TSHZ3: variants seen among roughly 807,000 people sequenced by gnomAD.
The protein encoded by TSHZ3 is teashirt homolog 3.
In TSHZ3, 10 loss-of-function variants were observed where a neutral mutation model predicts 64.5. That is an observed-to-expected ratio of 0.16 (90% CI 0.10 to 0.26). The LOEUF is 0.26. Ranked by LOEUF, TSHZ3 falls within the 10% of genes least tolerant of loss-of-function variation. The probability of loss-of-function intolerance (pLI) is 1.00; values close to 1 mark genes in which losing one functional copy is unlikely to be tolerated. For missense variants in TSHZ3, 1,242 were observed against 1,421.7 expected (o/e 0.87, Z 2.03); for synonymous variants, 608 against 593.1 (o/e 1.03, Z -0.36).
intron 5 of TSHZ3, among the ~76,000 whole-genome samples, chr19:31,185,632 C>T (rs1414626897): frequency 1.3e-5 from 2 of 152,166 alleles, no homozygotes; most frequent in Non-Finnish European, 2.9e-5. Flanking sequence ...CTCTTAATCC[C>T]TAATCTTGTC....
intron 1 of TSHZ3, among the ~76,000 whole-genome samples, chr19:31,341,317 C>A (rs184396636): frequency 1.3e-5 from 2 of 152,234 alleles, no homozygotes; most frequent in African/African-American, 2.4e-5. Context: ...ACAAGTATTG[C>A]GCACTTGGGG....
chr19:31,349,593 A>G (rs1418798963), upstream of TSHZ3: 5 of 113,356 alleles, frequency 4.4e-5, no homozygotes, highest in Admixed American at 9.3e-5. Flanking sequence ...GGCGGGGAGG[A>G]GCGGCGGCCC....
chr19:31,185,442 G>A (rs1974790973), intron 5 of TSHZ3, among the ~76,000 whole-genome samples: 1 of 152,204 alleles, frequency 6.6e-6, no homozygotes, highest in Non-Finnish European at 1.5e-5. Flanking sequence ...GATCAGAATA[G>A]GGGTGTGCTT....
rs1263564266 is a variant in TSHZ3 at position 31,278,493 on chromosome 19, T to C, written c.1300A>G (p.Ile434Val). ...ACCTTCTCATCCAGCAGGGTTGTGA[T>C]GGTAGGTGTGACAGGCGTCTCCACA... ...PIVETPVTPT[I>V]TTLLDEKVQS... Residue 434 changes from isoleucine (I) to valine (V), a missense_variant, in exon 2 of 2, where the codon ATC becomes GTC. Coordinates refer to ENST00000240587, the MANE Select transcript of TSHZ3 (RefSeq NM_020856.4). This position sits in a 1 kb window ranked among gnomAD's most constrained non-coding sequence, Gnocchi z 4.7. 1.9e-6 allele frequency: 3 copies of C among 1,614,064 alleles called. No individual in the cohort carries two copies. The highest frequency in any genetic ancestry group is 1.3e-5 in the African/African-American group (1 of 75,004).
chr19:31,240,990 A>G (rs1334630582), intron 3 of TSHZ3, among the ~76,000 whole-genome samples: 1 of 152,210 alleles, frequency 6.6e-6, no homozygotes, highest in East Asian at 1.9e-4. Flanking sequence ...GCTCCATCAT[A>G]GGAGTCATCT....
chr19:31,317,152 C>T (rs777697793), intron 1 of TSHZ3, among the ~76,000 whole-genome samples: 5 of 152,042 alleles, frequency 3.3e-5, no homozygotes, highest in Non-Finnish European at 4.4e-5. Context: ...CAAAATCCAA[C>T]GGGTTTTTCT....
chr19:31,276,630 C>T lies in TSHZ3; in HGVS notation c.3163G>A (p.Ala1055Thr). Residue 1055 changes from alanine (A) to threonine (T), a missense_variant, in exon 2 of 2, where the codon GCT becomes ACT. Coordinates refer to ENST00000240587, the MANE Select transcript of TSHZ3 (RefSeq NM_020856.4). ...GTTTTGCTAAGGTGAAGTTTAACAG[C>T]GTGCTTGCTGGCAAAGGTCCGATTG... The part of the protein sequence containing the change: ...LCNRTFASKH[A>T]VKLHLSKTHG... The T allele has an allele frequency of 5.0e-6, 8 of 1,610,880 alleles. No homozygotes were observed. Among genetic ancestry groups the T allele is most frequent in the South Asian group, 2.2e-5 (2 of 90,812 alleles).
chr19:31,163,297 A>G (rs1408299145), intron 5 of TSHZ3, among the ~76,000 whole-genome samples: 1 of 152,208 alleles, frequency 6.6e-6, no homozygotes, highest in Admixed American at 6.5e-5. Context: ...TGAGTTGGTA[A>G]CACTAAGTCT....
intron 3 of TSHZ3, among the ~76,000 whole-genome samples, chr19:31,232,770 AT>A (rs1568355002): frequency 6.6e-6 from 1 of 152,064 alleles, no homozygotes; most frequent in African/African-American, 2.4e-5. Context: ...ACAGATATGT[AT>A]TTTTTTCTGT....
At chr19:31,246,363 A>C (rs2145188022) in intron 1 of TSHZ3, among the ~76,000 whole-genome samples, 1 of 152,360 alleles carries the variant, frequency 6.6e-6, no homozygotes, top group South Asian at 2.1e-4. Context: ...GAATGTGTTC[A>C]TGTATTACTT....
At chr19:31,338,333 A>G (rs1917315495) in intron 1 of TSHZ3, among the ~76,000 whole-genome samples, 1 of 152,138 alleles carries the variant, frequency 6.6e-6, no homozygotes, top group African/African-American at 2.4e-5. Flanking sequence ...AGCTGTCCAC[A>G]TCAGGCCTGG....
At chr19:31,346,068 G>T (rs1917583530) in intron 1 of TSHZ3, among the ~76,000 whole-genome samples, 1 of 152,124 alleles carries the variant, frequency 6.6e-6, no homozygotes, top group African/African-American at 2.4e-5. Context: ...GCCATACATA[G>T]TTTCTATCAA....
At chr19:31,313,803 T>C (rs1449806884) in intron 1 of TSHZ3, among the ~76,000 whole-genome samples, 2 of 152,186 alleles carry the variant, frequency 1.3e-5, no homozygotes, top group Non-Finnish European at 2.9e-5. Flanking sequence ...AAGCCTTTCA[T>C]AGCCATGCAC....
At chr19:31,194,644 C>A (rs752941799) in intron 5 of TSHZ3, among the ~76,000 whole-genome samples, 13 of 152,128 alleles carry the variant, frequency 8.5e-5, no homozygotes, top group Admixed American at 2.6e-4. Flanking sequence ...TACAGCATTT[C>A]TTTTTATCCA....
intron 5 of TSHZ3, among the ~76,000 whole-genome samples, chr19:31,159,934 CTT>C (rs1974352840): frequency 6.6e-6 from 1 of 152,106 alleles, no homozygotes; most frequent in African/African-American, 2.4e-5. Flanking sequence ...TCAAGCAATC[CTT>C]CTGTCTCAGC....
At chr19:31,240,456 C>T (rs1245237941) in intron 3 of TSHZ3, among the ~76,000 whole-genome samples, 1 of 152,120 alleles carries the variant, frequency 6.6e-6, no homozygotes. Flanking sequence ...TAATAGAAGA[C>T]AGCTACAGTC....
In TSHZ3 at chr19:31,277,842, C is replaced by G. The variant is rs566625027; in HGVS notation, c.1951G>C (p.Gly651Arg). 1.3e-6 allele frequency: 2 copies of G among 1,583,164 alleles called. No homozygotes were observed. The highest frequency in any genetic ancestry group is 1.2e-5 in the South Asian group (1 of 84,550). The change falls in exon 2 of 2, where the codon GGG becomes CGG. Residue 651 changes from glycine (G) to arginine (R), a missense_variant. Transcript: ENST00000240587. This position sits in a 1 kb window ranked among gnomAD's most constrained non-coding sequence, Gnocchi z 4.5. ...GATGCCTCCATCTTGATGGGTTCCC[C>G]GACTTCGCTGCTACATGGGGAGGGA... is the stretch of plus-strand genomic sequence containing the variant. Reference protein sequence around the residue: ...ATPSPCSSEVGEPIKMEASSD... With the variant: ...ATPSPCSSEVREPIKMEASSD...
intron 3 of TSHZ3, among the ~76,000 whole-genome samples, chr19:31,237,063 C>T (rs1018260456): frequency 6.1e-3 from 33 of 5,394 alleles, no homozygotes; most frequent in African/African-American, 0.028. Context: ...GCAGGAGAAT[C>T]GCTTGAACCC....
At chr19:31,243,062 C>G (rs1290002068) in intron 1 of TSHZ3, among the ~76,000 whole-genome samples, 2 of 152,194 alleles carry the variant, frequency 1.3e-5, no homozygotes, top group African/African-American at 4.8e-5. Context: ...TATCAGCTAT[C>G]TAGATATCCT....
Sources: allele counts gnomAD v4.1 joint callset (sites outside exome capture counted in the v4.1 genomes callset), GRCh38; gene constraint gnomAD v4.1.1; non-coding constraint Gnocchi (gnomAD v3.1); transcripts MANE v1.5; gene names NCBI Gene and HGNC (gene_info 2026-07-23, HGNC 2026-07-21).